SCP2: variants seen among roughly 807,000 people sequenced by gnomAD.
SCP2 encodes sterol carrier protein 2.
Under a neutral mutation model 71.4 loss-of-function variants are expected in SCP2, and 48 were observed. The ratio of observed to expected loss-of-function variants is 0.67; its 90% CI spans 0.53 to 0.86. SCP2 has a LOEUF of 0.86. Among genes scored for constraint, SCP2 ranks in the 40% least tolerant of loss-of-function variants. The probability of loss-of-function intolerance (pLI) is 0.00; values close to 1 mark genes in which losing one functional copy is unlikely to be tolerated. For synonymous variants in SCP2, 220 were observed against 218.1 expected (o/e 1.01, Z -0.08); for missense variants, 560 against 655.6 (o/e 0.85, Z 1.59).
intron 12 of SCP2, among the ~76,000 whole-genome samples, chr1:53,021,645 CTTTTT>C (rs753678066): frequency 1.0e-5 from 1 of 95,676 alleles, no homozygotes. Context: ...CTTTTTCTTT[CTTTTT>C]TTTTTTTTTT....
chr1:52,933,425 T>A (rs924589404), intron 1 of SCP2, among the ~76,000 whole-genome samples: 4 of 151,732 alleles, frequency 2.6e-5, no homozygotes, highest in Non-Finnish European at 5.9e-5. Flanking sequence ...ACTAAAAAAA[T>A]AAAAATCAAA....
In SCP2 at chr1:52,974,994, C is replaced by CT. The variant is rs540551309; in HGVS notation, c.587+166dup. On this transcript the variant is annotated intron_variant, in intron 7 of 15. Transcript: ENST00000371514. Reference sequence around the variant, plus strand: ...TTATACGCAAGTAAACTTTTGACAACTTTTCAGTTCCAGTTTTTGGCCACT... The same window carrying CT: ...TTATACGCAAGTAAACTTTTGACAACTTTTTCAGTTCCAGTTTTTGGCCACT... 8.2e-4 allele frequency among the ~76,000 whole-genome samples: 125 copies of CT among 152,268 alleles called. 1 individual carries two copies. Among genetic ancestry groups the CT allele is most frequent in the Non-Finnish European group, 1.5e-3 (104 of 68,024 alleles).
chr1:52,996,862 AC>A, intron 11 of SCP2, among the ~76,000 whole-genome samples: 1 of 152,228 alleles, frequency 6.6e-6, no homozygotes, highest in East Asian at 1.9e-4. Flanking sequence ...GGGAAGGGGA[AC>A]CCTCCTCCAT....
chr1:53,016,539 C>T (rs1007735741), intron 12 of SCP2, among the ~76,000 whole-genome samples: 1 of 152,036 alleles, frequency 6.6e-6, no homozygotes, highest in Admixed American at 6.5e-5. Context: ...GCTGTAGAAG[C>T]TCAGAGGAAG....
intron 12 of SCP2, among the ~76,000 whole-genome samples, chr1:53,024,942 T>C (rs72903115): frequency 0.14 from 20,807 of 151,774 alleles, 2,036 homozygotes; most frequent in East Asian, 0.32. Flanking sequence ...ACCAAAAAAA[T>C]CCCACAACTC....
intron 10 of SCP2, among the ~76,000 whole-genome samples, chr1:52,981,355 T>C (rs1184662518): frequency 1.3e-5 from 2 of 152,194 alleles, no homozygotes; most frequent in African/African-American, 2.4e-5. Context: ...CTAGTCCAAA[T>C]TGACGTGTGC....
At chr1:52,946,026 T>C (rs1654754907) in intron 2 of SCP2, among the ~76,000 whole-genome samples, 1 of 151,468 alleles carries the variant, frequency 6.6e-6, no homozygotes, top group Non-Finnish European at 1.5e-5. Flanking sequence ...CCTCCTGGGC[T>C]CAAGCAATCC....
chr1:52,996,056 A>G (rs2150201608), intron 11 of SCP2: 1 of 1,164,284 alleles, frequency 8.6e-7, no homozygotes, highest in Non-Finnish European at 1.1e-6. Context: ...CAGGCTTCTC[A>G]GTTCCCTTAG....
intron 10 of SCP2, among the ~76,000 whole-genome samples, chr1:52,982,577 C>CA (rs1253451612): frequency 3.3e-5 from 5 of 151,456 alleles, no homozygotes; most frequent in Non-Finnish European, 5.9e-5. Flanking sequence ...CTCAAAAAAA[C>CA]AAAAAAACAA....
intron 11 of SCP2, chr1:52,993,124 A>C: frequency 6.6e-7 from 1 of 1,507,932 alleles, no homozygotes; most frequent in South Asian, 1.1e-5. Flanking sequence ...GGTACCAACA[A>C]GATGTAAACT....
intron 11 of SCP2, chr1:52,995,392 C>G (rs1659861507): frequency 6.5e-6 from 3 of 460,228 alleles, no homozygotes; most frequent in Non-Finnish European, 1.3e-5. Context: ...GGACTTGAAC[C>G]ACCTTGTCTC....
chr1:52,974,270 C>G (rs35121754), intron 6 of SCP2, among the ~76,000 whole-genome samples: 10,125 of 151,888 alleles, frequency 0.067, 577 homozygotes, highest in East Asian at 0.21. Flanking sequence ...TTTAAATTTT[C>G]TGTTAAGGAA....
In SCP2 at chr1:52,997,236, T is replaced by C. The variant is rs562892411; in HGVS notation, c.1081+9100T>C. ...GAGGTTAGAGTGCAGTGATGCGATC[T>C]TGGCTCATTGCAACTTCTGCCTCCC... On this transcript the variant is annotated intron_variant, in intron 11 of 15. Transcript: ENST00000371514. 2.6e-5 allele frequency among the ~76,000 whole-genome samples: 4 copies of C among 152,342 alleles called. No homozygotes were observed. The South Asian group carries it at 8.3e-4, about 32-fold the overall frequency.
chr1:53,033,536 C>T (rs1356876759), intron 13 of SCP2, among the ~76,000 whole-genome samples: 1 of 144,088 alleles, frequency 6.9e-6, no homozygotes, highest in East Asian at 2.1e-4. Flanking sequence ...ACCGAGGAGG[C>T]AGACGTTGCA....
At chr1:53,040,230 G>A (rs1663321077) in intron 14 of SCP2, among the ~76,000 whole-genome samples, 1 of 151,526 alleles carries the variant, frequency 6.6e-6, no homozygotes, top group Non-Finnish European at 1.5e-5. Context: ...CTGCTCAAAA[G>A]CATCCAATAG....
At chr1:52,970,169 A>G (rs536239267) in intron 6 of SCP2, among the ~76,000 whole-genome samples, 1 of 152,210 alleles carries the variant, frequency 6.6e-6, no homozygotes, top group African/African-American at 2.4e-5. Context: ...TTTTAATTTT[A>G]TTAGTAATTT....
At chr1:53,011,494 G>A (rs1660986705) in intron 11 of SCP2, among the ~76,000 whole-genome samples, 1 of 152,304 alleles carries the variant, frequency 6.6e-6, no homozygotes, top group Non-Finnish European at 1.5e-5. Context: ...CAACCAGATT[G>A]TATACCCTTA....
intron 4 of SCP2, among the ~76,000 whole-genome samples, chr1:52,951,548 C>CT (rs1201817150): frequency 8.3e-6 from 1 of 121,112 alleles, no homozygotes; most frequent in Non-Finnish European, 1.6e-5. Context: ...CACAGTGAGA[C>CT]TGTCTCTAAA....
chr1:53,012,729 C>A (rs549836496), intron 11 of SCP2, among the ~76,000 whole-genome samples: 1 of 152,328 alleles, frequency 6.6e-6, no homozygotes, highest in African/African-American at 2.4e-5. Context: ...CTGGTTTAAA[C>A]TTTGACCAGT....
Sources: gnomAD v4.1 joint callset for allele counts (sites outside exome capture counted in the v4.1 genomes callset) on GRCh38, gnomAD v4.1.1 for gene constraint, MANE v1.5 for transcripts, NCBI Gene and HGNC (gene_info 2026-07-23, HGNC 2026-07-21) for gene names.